SETD1B: variants seen among roughly 807,000 people sequenced by gnomAD.
The protein encoded by SETD1B is histone-lysine N-methyltransferase SETD1B.
A neutral mutation model predicts 148.0 loss-of-function variants in SETD1B; 7 were observed. The ratio of observed to expected loss-of-function variants is 0.05; its 90% CI spans 0.03 to 0.09. SETD1B has a LOEUF of 0.09. Ranked by LOEUF, SETD1B falls within the 10% of genes least tolerant of loss-of-function variation. The pLI is 1.00. For missense variants in SETD1B, 2,155 were observed against 2,729.9 expected (o/e 0.79, Z 4.69); for synonymous variants, 1,361 against 1,186.5 (o/e 1.15, Z -3.02).
chr12:121,809,581 T>C, intron 5 of SETD1B, 22 bp from the exon 6 acceptor site: 1 of 1,521,870 alleles, frequency 6.6e-7, no homozygotes, highest in Non-Finnish European at 8.8e-7. Context: ...CCCAGTGGTC[T>C]GACATCTCTG....
chr12:121,822,858 G>T lies in SETD1B; in HGVS notation c.4279G>T (p.Gly1427Cys). The change falls in exon 12 of 17, where the codon GGC becomes TGC. Residue 1427 changes from glycine to cysteine, a missense_variant. By Grantham distance (159) the Gly-to-Cys change is radical. This residue lies in a region of SETD1B where 862 missense variants were observed against 873.8 expected (regional missense o/e 0.99). Coordinates refer to ENST00000604567, the MANE Select transcript of SETD1B (RefSeq NM_001353345.2). ...CAGTGGGGGCCTCCCTCGGACACCTGGCCGGGACTTCAGCTTCACACCCAC... is the reference window on the plus strand; with the variant it reads ...CAGTGGGGGCCTCCCTCGGACACCTTGCCGGGACTTCAGCTTCACACCCAC... ...LSSGGLPRTP[G>C]RDFSFTPTFS... is the part of the protein sequence containing the mutation. 6.7e-7 allele frequency: 1 copy of T among 1,486,742 alleles called. No homozygotes were observed. The highest frequency in any genetic ancestry group is 1.3e-5 in the South Asian group (1 of 75,366). The allele number at this position is 1,486,742 out of a possible 1,614,324, so 92.1% of individuals were successfully genotyped here. A position where few individuals can be genotyped will look rare whatever the true frequency, so the allele number is the denominator to read the frequency against.
upstream of SETD1B, among the ~76,000 whole-genome samples, chr12:121,799,012 C>T (rs1875161487): frequency 6.6e-6 from 1 of 152,254 alleles, no homozygotes; most frequent in Non-Finnish European, 1.5e-5. Context: ...ACCACAGCAT[C>T]AGCCTCACCT....
rs750059696 is a variant in SETD1B at position 121,808,651 on chromosome 12, G to C, written c.657+331G>C. ...CTTTTCCACGTTGATGCCAAACATT[G>C]CTGTTTCCGGGGTCCTTAGTGTCTG... On this transcript the variant is annotated intron_variant, in intron 5 of 16. Coordinates refer to ENST00000604567, the MANE Select transcript of SETD1B (RefSeq NM_001353345.2). This position sits in a 1 kb window ranked among gnomAD's most constrained non-coding sequence, Gnocchi z 5.3. Among the ~76,000 whole-genome samples the C allele has an allele frequency of 2.6e-5, 4 of 152,194 alleles. No individual in the cohort carries two copies. The highest frequency in any genetic ancestry group is 6.5e-5 in the Admixed American group (1 of 15,276).
At chr12:121,807,059 A>C (rs770488465) in intron 4 of SETD1B, among the ~76,000 whole-genome samples, 5 of 152,256 alleles carry the variant, frequency 3.3e-5, no homozygotes, top group Non-Finnish European at 7.3e-5. Flanking sequence ...TTTTGTGAGC[A>C]TGGCGTTCAG....
At chr12:121,828,130 G>T in intron 16 of SETD1B, 60 bp downstream of exon 16, 2 of 1,533,928 alleles carry the variant, frequency 1.3e-6, no homozygotes, top group Non-Finnish European at 1.8e-6. Context: ...CTGCTTCTGT[G>T]CCAGGAGGGC....
Position 121,819,400 on chromosome 12 carries a change from C to T in SETD1B, c.3419-4C>T, listed in dbSNP as rs1304265433. ...GCAGCCCCTCGTCTGTGTCCCCCAT[C>T]CAGAGGAGACAGTGAGCATTGTAAC... On this transcript the variant is annotated splice_polypyrimidine_tract_variant and splice_region_variant and intron_variant, in intron 10 of 16. Coordinates refer to ENST00000604567, the MANE Select transcript of SETD1B (RefSeq NM_001353345.2). 6.4e-7 allele frequency: 1 copy of T among 1,551,694 alleles called. No individual in the cohort carries two copies. Among genetic ancestry groups the T allele is most frequent in the Non-Finnish European group, 8.7e-7 (1 of 1,146,976 alleles).
At chr12:121,829,506 G>A (rs1443681870) in intron 16 of SETD1B, among the ~76,000 whole-genome samples, 4 of 152,328 alleles carry the variant, frequency 2.6e-5, no homozygotes. Context: ...CTAAGTCAAA[G>A]ACAGTACCCA....
chr12:121,823,556 G>C lies in SETD1B; in HGVS notation c.4977G>C (p.Ser1659=), dbSNP rs1312614521. ...AGGACCTGGTGCCACCTGCGGGCTC[G>C]CCCGAACTCTCGCCACCCCAGCCCC... ...RHEDLVPPAG[S]PELSPPQPLF... The change falls in exon 12 of 17, where the codon TCG becomes TCC. Residue 1659 remains serine, a synonymous_variant. Transcript: ENST00000604567. 6.4e-7 allele frequency: 1 copy of C among 1,550,946 alleles called. No individual in the cohort carries two copies. The highest frequency in any genetic ancestry group is 2.4e-5 in the East Asian group (1 of 40,904).
chr12:121,810,859 TCTGGGA>T lies in SETD1B; in HGVS notation c.1890+29_1890+34del. 1 of 1,464,522 alleles carries T rather than the reference TCTGGGA, an allele frequency of 6.8e-7. No individual in the cohort carries two copies. The highest frequency in any genetic ancestry group is 1.4e-5 in the South Asian group (1 of 71,182). 90.7% of individuals were successfully genotyped at this position (1,464,522 alleles called of 1,614,324 possible). A position where few individuals can be genotyped will look rare whatever the true frequency, so the allele number is the denominator to read the frequency against. ...AGGTACCACCGTGTCTGTCCATCTG[TCTGGGA>T]CTGGTTTTGTCTATCTTGTATCTCC... On this transcript the variant is annotated intron_variant, in intron 6 of 16. Coordinates refer to ENST00000604567, the MANE Select transcript of SETD1B (RefSeq NM_001353345.2). This position sits in a 1 kb window ranked among gnomAD's most constrained non-coding sequence, Gnocchi z 7.6.
the SETD1B span, chr12:121,793,345 T>C: frequency 2.1e-6 from 3 of 1,428,742 alleles, no homozygotes; most frequent in Non-Finnish European, 9.6e-7. Flanking sequence ...CAGCCCCCCC[T>C]CACCCCGCTG....
chr12:121,810,209 G>A lies in SETD1B; in HGVS notation c.1264G>A (p.Ala422Thr), dbSNP rs1053334998. 26 of 1,549,474 alleles carry A rather than the reference G, an allele frequency of 1.7e-5. No homozygotes were observed. The Admixed American group carries it at 4.7e-4, about 28-fold the overall frequency. The change falls in exon 6 of 17, where the codon GCC (alanine) becomes ACC (threonine). Residue 422 changes from alanine to threonine, a missense_variant. Around this residue, in one of 11 missense-constraint regions of SETD1B, gnomAD observed 376 missense variants for 385.0 expected, o/e 0.98. Coordinates refer to ENST00000604567, the MANE Select transcript of SETD1B (RefSeq NM_001353345.2). The surrounding 1 kb of genome is among the most constrained non-coding windows in gnomAD (Gnocchi z 7.6). ...EEPTATAAFG[A>T]RDSGEFRRAP... ...GCCCACCGCCACAGCCGCTTTTGGGGCCCGCGACAGTGGGGAGTTCCGGAG... is the reference window on the plus strand; with the variant it reads ...GCCCACCGCCACAGCCGCTTTTGGGACCCGCGACAGTGGGGAGTTCCGGAG...
intron 10 of SETD1B, among the ~76,000 whole-genome samples, chr12:121,818,921 G>A (rs1024367796): frequency 6.7e-6 from 1 of 150,372 alleles, no homozygotes; most frequent in African/African-American, 2.4e-5. Context: ...GCAGTTTTCT[G>A]TTATGTTAAT....
chr12:121,796,178 G>T, the SETD1B span: 1 of 152,642 alleles, frequency 6.6e-6, no homozygotes, highest in African/African-American at 2.4e-5. Flanking sequence ...CACCCAGGAG[G>T]TAGCTCCCTT....
Position 121,825,270 on chromosome 12 carries a change from C to T in SETD1B, c.5241C>T (p.Ala1747=), listed in dbSNP as rs1243317630. 3 of 1,551,742 alleles carry T rather than the reference C, an allele frequency of 1.9e-6. No individual in the cohort carries two copies. Among genetic ancestry groups the T allele is most frequent in the Middle Eastern group, 1.7e-4 (1 of 6,016 alleles). The stretch of plus-strand genomic sequence containing the variant: ...TCCGCGAGCACGTGACGGGCTGTGC[C>T]CGCAGTGAGGGCTTCTACACCATCG... ...DGIREHVTGC[A]RSEGFYTIDK... Residue 1747 remains alanine (A), a synonymous_variant, in exon 13 of 17, where the codon GCC becomes GCT. Transcript: ENST00000604567.
chr12:121,806,733 C>A (rs1202706950), intron 4 of SETD1B, among the ~76,000 whole-genome samples: 3 of 152,196 alleles, frequency 2.0e-5, no homozygotes, highest in Admixed American at 6.5e-5. Context: ...CTGTGTCTTC[C>A]CTCCTCTCTC....
rs939263746 is a variant in SETD1B, at chr12:121,804,674, GGCCGCC to G, written c.-14-38_-14-33del. 2.9e-5 allele frequency: 43 copies of G among 1,496,826 alleles called. No homozygotes were observed. Among genetic ancestry groups the G allele is most frequent in the Admixed American group, 8.6e-5 (4 of 46,280 alleles). 92.7% of individuals were successfully genotyped at this position (1,496,826 alleles called of 1,614,324 possible). ...GATTCTTTCGCGTGTGTGTAGAAGC[GGCCGCC>G]GCCGCCGCCGCGGCGGAGACGACAA... On this transcript the variant is annotated intron_variant, in intron 1 of 16. Coordinates refer to ENST00000604567, the MANE Select transcript of SETD1B (RefSeq NM_001353345.2). The surrounding 1 kb of genome is among the most constrained non-coding windows in gnomAD (Gnocchi z 4.6).
chr12:121,805,057 G>T lies in SETD1B; in HGVS notation c.175-61G>T. The T allele has an allele frequency of 6.6e-7, 1 of 1,514,690 alleles. No homozygotes were observed. Among genetic ancestry groups the T allele is most frequent in the Non-Finnish European group, 9.0e-7 (1 of 1,115,646 alleles). The allele number at this position is 1,514,690 out of a possible 1,614,324, so 93.8% of individuals were successfully genotyped here. A position where few individuals can be genotyped will look rare whatever the true frequency, so the allele number is the denominator to read the frequency against. On this transcript the variant is annotated intron_variant, in intron 2 of 16. Coordinates refer to ENST00000604567, the MANE Select transcript of SETD1B (RefSeq NM_001353345.2). This position sits in a 1 kb window ranked among gnomAD's most constrained non-coding sequence, Gnocchi z 4.2. ...AGTTTGACAAGTGCCTCGAGAAAGG[G>T]GTCTGCCCATGGGGAGGGGGACCAG...
At chr12:121,826,782 G>A (rs1876861795) in intron 13 of SETD1B, among the ~76,000 whole-genome samples, 1 of 152,012 alleles carries the variant, frequency 6.6e-6, no homozygotes, top group South Asian at 2.1e-4. Flanking sequence ...GAAGTGGGAT[G>A]GACAGGACCA....
chr12:121,820,887 A>G (rs1040167332), intron 11 of SETD1B, among the ~76,000 whole-genome samples: 9 of 152,210 alleles, frequency 5.9e-5, no homozygotes, highest in South Asian at 2.1e-4. Context: ...GCCCCTGTAC[A>G]TTGAACACAT....
Sources: allele counts gnomAD v4.1 joint callset (sites outside exome capture counted in the v4.1 genomes callset), GRCh38; gene constraint gnomAD v4.1.1; regional missense constraint gnomAD v4.1.1; non-coding constraint Gnocchi (gnomAD v3.1); transcripts MANE v1.5; gene names NCBI Gene and HGNC (gene_info 2026-07-23, HGNC 2026-07-21).